Variants in LDLRAD4 observed in about 807,000 individuals in gnomAD.
LDLRAD4 encodes the protein low density lipoprotein receptor class A domain containing 4.
LDLRAD4 carries 5 observed loss-of-function variants against 17.0 expected under a neutral mutation model. The observed-to-expected ratio is 0.29, with a 90% CI of 0.15 to 0.62. The LOEUF (loss-of-function observed/expected upper bound fraction) is 0.62. LDLRAD4 is among the 20% of genes least tolerant of loss of function. The pLI is 0.84. For synonymous variants in LDLRAD4, 168 were observed against 171.8 expected (o/e 0.98, Z 0.17); for missense variants, 340 against 424.7 (o/e 0.80, Z 1.75).
At chr18:13,383,189 G>A (rs867743171) in intron 1 of LDLRAD4, among the ~76,000 whole-genome samples, 4 of 152,324 alleles carry the variant, frequency 2.6e-5, no homozygotes, top group Middle Eastern at 3.4e-3. Context: ...GCTGTGTATA[G>A]TACTCAGGGA....
In LDLRAD4 at chr18:13,497,215, T is replaced by C. The variant is rs374639314; in HGVS notation, c.181+58831T>C. 5.8e-4 allele frequency among the ~76,000 whole-genome samples: 88 copies of C among 152,296 alleles called. 3 individuals carry two copies. In the South Asian group the frequency reaches 0.017, roughly 29 times the overall value. ...TTATTTTTTAGAGATGGGGTCTCACTCTCTCACCCAGGCTGGAGTGCAGTG... is the reference window on the plus strand; with the variant it reads ...TTATTTTTTAGAGATGGGGTCTCACCCTCTCACCCAGGCTGGAGTGCAGTG... On this transcript the variant is annotated intron_variant, in intron 3 of 5. Coordinates refer to ENST00000359446, the Ensembl canonical transcript of LDLRAD4.
intron 2 of LDLRAD4, among the ~76,000 whole-genome samples, chr18:13,412,333 T>C (rs1050738656): frequency 6.6e-6 from 1 of 152,230 alleles, no homozygotes. Flanking sequence ...CTCTGTTCTT[T>C]CCAGCTCTTA....
intron 1 of LDLRAD4, among the ~76,000 whole-genome samples, chr18:13,372,582 C>T (rs945833689): frequency 6.6e-6 from 1 of 152,176 alleles, no homozygotes; most frequent in African/African-American, 2.4e-5. Context: ...GAATGCTAGG[C>T]CGTCTGGGTG....
chr18:13,308,051 T>C (rs1424641732), intron 1 of LDLRAD4, among the ~76,000 whole-genome samples: 2 of 152,214 alleles, frequency 1.3e-5, no homozygotes, highest in African/African-American at 4.8e-5. Flanking sequence ...GTTTCTTATA[T>C]ATCCTTCTAG....
chr18:13,544,885 CTTTTTTTTTTTT>C (rs58284452), intron 3 of LDLRAD4, among the ~76,000 whole-genome samples: 1 of 122,854 alleles, frequency 8.1e-6, no homozygotes, highest in Non-Finnish European at 1.7e-5. Flanking sequence ...GATGGTTTGT[CTTTTTTTTTTTT>C]TTTTTTTTTT....
At chr18:13,244,873 T>G (rs1473533148) in intron 1 of LDLRAD4, among the ~76,000 whole-genome samples, 1 of 152,180 alleles carries the variant, frequency 6.6e-6, no homozygotes, top group Non-Finnish European at 1.5e-5. Context: ...ATTTAATAAA[T>G]ATTTAGAAAG....
chr18:13,456,500 G>A (rs2092143202), intron 3 of LDLRAD4, among the ~76,000 whole-genome samples: 1 of 152,044 alleles, frequency 6.6e-6, no homozygotes, highest in Non-Finnish European at 1.5e-5. Flanking sequence ...CTCCTGTATT[G>A]CCCCTGGATT....
At chr18:13,627,550 T>G (rs1315176123) in intron 4 of LDLRAD4, among the ~76,000 whole-genome samples, 1 of 152,234 alleles carries the variant, frequency 6.6e-6, no homozygotes, top group African/African-American at 2.4e-5. Flanking sequence ...CAAGATAGAC[T>G]GAGAGGGCCA....
chr18:13,641,407 T>C (rs566480861), intron 4 of LDLRAD4, among the ~76,000 whole-genome samples: 1 of 152,280 alleles, frequency 6.6e-6, no homozygotes, highest in East Asian at 1.9e-4. Flanking sequence ...ATTAGAAGGA[T>C]AGATGGATAG....
chr18:13,387,107 G>T (rs931006496), intron 1 of LDLRAD4, among the ~76,000 whole-genome samples: 1 of 152,210 alleles, frequency 6.6e-6, no homozygotes, highest in Non-Finnish European at 1.5e-5. Flanking sequence ...TTTCTTCCCC[G>T]AGGTGTCTGT....
chr18:13,335,289 C>T (rs531672522), intron 1 of LDLRAD4, among the ~76,000 whole-genome samples: 1 of 152,328 alleles, frequency 6.6e-6, no homozygotes, highest in African/African-American at 2.4e-5. Flanking sequence ...CCTATCCCCT[C>T]ACTACACGCC....
chr18:13,479,279 A>T (rs2093025622), intron 3 of LDLRAD4, among the ~76,000 whole-genome samples: 1 of 152,222 alleles, frequency 6.6e-6, no homozygotes, highest in South Asian at 2.1e-4. Flanking sequence ...GAGAAGCTGC[A>T]CTTCATTAAA....
chr18:13,546,026 C>T (rs978835384), intron 3 of LDLRAD4, among the ~76,000 whole-genome samples: 1 of 152,314 alleles, frequency 6.6e-6, no homozygotes, highest in Admixed American at 6.5e-5. Flanking sequence ...TTACCTTCCC[C>T]CTCTGGACCT....
intron 3 of LDLRAD4, among the ~76,000 whole-genome samples, chr18:13,519,030 T>G (rs1396908040): frequency 6.6e-6 from 1 of 152,254 alleles, no homozygotes; most frequent in African/African-American, 2.4e-5. Context: ...CCCTAGGCTT[T>G]GTCTCCCGTC....
intron 2 of LDLRAD4, among the ~76,000 whole-genome samples, chr18:13,390,700 G>A (rs2086206773): frequency 6.6e-6 from 1 of 152,202 alleles, no homozygotes; most frequent in South Asian, 2.1e-4. Context: ...TTCAGCAGGG[G>A]GGATCAAAAT....
chr18:13,387,009 G>T (rs904264818), intron 1 of LDLRAD4, among the ~76,000 whole-genome samples: 6 of 152,228 alleles, frequency 3.9e-5, no homozygotes, highest in Admixed American at 3.3e-4. Context: ...CTCCATGCAA[G>T]TCCTGCATTT....
At chr18:13,650,561 T>C in exon 6 of LDLRAD4, 2 of 395,082 alleles carry the variant, frequency 5.1e-6, no homozygotes, top group Admixed American at 4.4e-5. Flanking sequence ...CTCCTGCACT[T>C]GATGCTCCCA....
intron 1 of LDLRAD4, among the ~76,000 whole-genome samples, chr18:13,258,374 T>C (rs925235718): frequency 6.6e-6 from 1 of 152,230 alleles, no homozygotes; most frequent in Non-Finnish European, 1.5e-5. Flanking sequence ...CTTTTTTTTT[T>C]TCTTTTGTTA....
At chr18:13,272,130 G>A (rs971913140) in intron 1 of LDLRAD4, among the ~76,000 whole-genome samples, 1 of 152,064 alleles carries the variant, frequency 6.6e-6, no homozygotes, top group South Asian at 2.1e-4. Flanking sequence ...TCTTGACCTC[G>A]TGATCCACCC....
Sources: allele counts gnomAD v4.1 joint callset (sites outside exome capture counted in the v4.1 genomes callset), GRCh38; gene constraint gnomAD v4.1.1; transcripts MANE v1.5; gene names NCBI Gene and HGNC (gene_info 2026-07-23, HGNC 2026-07-21).